The following PCP4 variants were observed in gnomAD, a reference collection of about 807,000 sequenced individuals.
The protein encoded by PCP4 is Purkinje cell protein 4, also known as calmodulin regulator protein PCP4.
A neutral mutation model predicts 10.0 loss-of-function variants in PCP4; 8 were observed. That is an observed-to-expected ratio of 0.80 (90% confidence interval 0.47 to 1.45). The LOEUF (loss-of-function observed/expected upper bound fraction) is 1.45, where lower values mean the gene tolerates loss of function less well. Among genes scored for constraint, PCP4 ranks in the 40% most tolerant of loss-of-function variants. The pLI, the probability that PCP4 is intolerant of heterozygous loss-of-function variation, is 0.00. For missense variants in PCP4, 54 were observed against 74.4 expected (o/e 0.73, Z 1.01); for synonymous variants, 21 against 23.0 (o/e 0.91, Z 0.24).
chr21:39,872,119 C>T (rs2087323283), intron 1 of PCP4, among the ~76,000 whole-genome samples: 1 of 152,130 alleles, frequency 6.6e-6, no homozygotes, highest in Admixed American at 6.5e-5. Flanking sequence ...CTGTCTCAGC[C>T]TCCTGAGTAG....
At chr21:39,877,690 C>T (rs908154013) in intron 1 of PCP4, among the ~76,000 whole-genome samples, 8 of 152,008 alleles carry the variant, frequency 5.3e-5, no homozygotes, top group Admixed American at 4.6e-4. Flanking sequence ...GAGCCAGATC[C>T]TGCCTCAAAA....
At chr21:39,900,857 T>G (rs1275177876) in intron 2 of PCP4, among the ~76,000 whole-genome samples, 1 of 152,116 alleles carries the variant, frequency 6.6e-6, no homozygotes, top group Non-Finnish European at 1.5e-5. Flanking sequence ...TGATATCAGG[T>G]GTATCTGCCA....
intron 2 of PCP4, among the ~76,000 whole-genome samples, chr21:39,898,946 A>G (rs1462326269): frequency 2.6e-5 from 4 of 152,166 alleles, no homozygotes; most frequent in Admixed American, 6.5e-5. Context: ...GAGCACACAC[A>G]ATGCGGTGCT....
intron 1 of PCP4, among the ~76,000 whole-genome samples, chr21:39,891,170 A>G (rs1374203171): frequency 6.6e-6 from 1 of 152,150 alleles, no homozygotes; most frequent in Non-Finnish European, 1.5e-5. Context: ...TGATTTTGCA[A>G]CTTAGTGAAA....
chr21:39,924,489 C>G (rs2087611363), intron 2 of PCP4, among the ~76,000 whole-genome samples: 1 of 152,262 alleles, frequency 6.6e-6, no homozygotes, highest in Middle Eastern at 3.4e-3. Flanking sequence ...AGCCTCTCAT[C>G]CCCAAGGAGA....
At chr21:39,872,261 A>C (rs1414630927) in intron 1 of PCP4, among the ~76,000 whole-genome samples, 5 of 152,304 alleles carry the variant, frequency 3.3e-5, no homozygotes, top group African/African-American at 1.2e-4. Context: ...GGCCTCCCAA[A>C]GTGCTGGGAT....
intron 1 of PCP4, among the ~76,000 whole-genome samples, chr21:39,876,707 G>C (rs2087347820): frequency 6.6e-6 from 1 of 152,124 alleles, no homozygotes; most frequent in Non-Finnish European, 1.5e-5. Flanking sequence ...ATTGATCTTA[G>C]ATCCTACACA....
intron 1 of PCP4, among the ~76,000 whole-genome samples, chr21:39,880,484 TGTGA>T (rs533471353): frequency 1.1e-3 from 174 of 152,294 alleles, no homozygotes; most frequent in Middle Eastern, 6.8e-3. Flanking sequence ...TGTGCATGCG[TGTGA>T]GTGTGTGTGT....
intron 2 of PCP4, among the ~76,000 whole-genome samples, chr21:39,925,829 G>A (rs955766641): frequency 6.6e-6 from 1 of 152,154 alleles, no homozygotes; most frequent in East Asian, 1.9e-4. Context: ...TGCCACTGGG[G>A]TCATCCTTGG....
chr21:39,888,202 A>G (rs1286348652), intron 1 of PCP4, among the ~76,000 whole-genome samples: 1 of 152,260 alleles, frequency 6.6e-6, no homozygotes, highest in African/African-American at 2.4e-5. Flanking sequence ...CTTGCTAACA[A>G]GAGCTTTCAA....
At chr21:39,927,168 C>G (rs545144814) in intron 2 of PCP4, among the ~76,000 whole-genome samples, 1 of 152,160 alleles carries the variant, frequency 6.6e-6, no homozygotes, top group Non-Finnish European at 1.5e-5. Context: ...TGAGAGGAGG[C>G]TGCTTACAGC....
intron 2 of PCP4, among the ~76,000 whole-genome samples, chr21:39,920,271 T>TGC (rs2087590222): frequency 7.8e-6 from 1 of 128,118 alleles, no homozygotes; most frequent in South Asian, 2.8e-4. Context: ...TGTGTGTGTG[T>TGC]GGTGTAGTGT....
chr21:39,906,319 A>G lies in PCP4; in HGVS notation c.61+7792A>G, dbSNP rs2244188. Among the ~76,000 whole-genome samples, 99,286 of 152,096 alleles carry G rather than the reference A, an allele frequency of 0.65. 34,078 individuals are homozygous for G. The highest frequency in any genetic ancestry group is 0.87 in the African/African-American group (36,197 of 41,520). ...GGTCTAAGCCCCTGGAACAGAATAA[A>G]GTTAATGGGCTACATCTTAGCCAAA... On this transcript the variant is annotated intron_variant, in intron 2 of 2. Transcript: ENST00000328619. The surrounding 1 kb of genome is among the most constrained non-coding windows in gnomAD (Gnocchi z 6.3).
At chr21:39,887,734 A>G (rs566812448) in intron 1 of PCP4, among the ~76,000 whole-genome samples, 1 of 152,194 alleles carries the variant, frequency 6.6e-6, no homozygotes, top group Admixed American at 6.5e-5. Flanking sequence ...TGTTCATTCA[A>G]AGATGGATCA....
At chr21:39,894,327 A>C (rs1340472544) in intron 1 of PCP4, among the ~76,000 whole-genome samples, 1 of 152,222 alleles carries the variant, frequency 6.6e-6, no homozygotes, top group Admixed American at 6.5e-5. Context: ...CTTAGCAGTC[A>C]TAACTGATTC....
At chr21:39,868,873 G>C (rs2087306379) in intron 1 of PCP4, among the ~76,000 whole-genome samples, 1 of 152,160 alleles carries the variant, frequency 6.6e-6, no homozygotes. Flanking sequence ...GAACAGAGGG[G>C]ATGGCAGAGG....
intron 1 of PCP4, among the ~76,000 whole-genome samples, chr21:39,873,413 A>G (rs893617267): frequency 2.6e-5 from 4 of 152,168 alleles, no homozygotes; most frequent in African/African-American, 4.8e-5. Context: ...CATAATATTA[A>G]TTAAAATAAA....
At chr21:39,896,132 T>C (rs2087456009) in intron 1 of PCP4, among the ~76,000 whole-genome samples, 1 of 152,208 alleles carries the variant, frequency 6.6e-6, no homozygotes, top group African/African-American at 2.4e-5. Context: ...TCCTCTGGTT[T>C]CTAAAAAGTG....
At chr21:39,911,525 C>T (rs534916938) in intron 2 of PCP4, among the ~76,000 whole-genome samples, 1 of 152,316 alleles carries the variant, frequency 6.6e-6, no homozygotes, top group East Asian at 1.9e-4. Context: ...TAAAGTGTGA[C>T]TGCGATCTTT....
Sources: gnomAD v4.1 joint callset for allele counts (sites outside exome capture counted in the v4.1 genomes callset) on GRCh38, gnomAD v4.1.1 for gene constraint, Gnocchi (gnomAD v3.1) non-coding constraint, MANE v1.5 for transcripts, NCBI Gene and HGNC (gene_info 2026-07-23, HGNC 2026-07-21) for gene names.